CACNA2D1: variants seen among roughly 807,000 people sequenced by gnomAD.
CACNA2D1 encodes calcium voltage-gated channel auxiliary subunit alpha2delta 1.
Under a neutral mutation model 171.5 loss-of-function variants are expected in CACNA2D1, and 53 were observed. The ratio of observed to expected loss-of-function variants is 0.31; its 90% CI spans 0.25 to 0.39. The LOEUF is 0.39. Ranked by LOEUF, CACNA2D1 falls within the 10% of genes least tolerant of loss-of-function variation. CACNA2D1 has a pLI of 1.00. For missense variants in CACNA2D1, 903 were observed against 1,299.8 expected, an observed-to-expected ratio of 0.69 and a Z score of 4.69; for synonymous variants, 442 against 443.1, an observed-to-expected ratio of 1.00 and a Z score of 0.03.
At chr7:82,415,417 C>G (rs1430063568) in intron 1 of CACNA2D1, among the ~76,000 whole-genome samples, 1 of 151,916 alleles carries the variant, frequency 6.6e-6, no homozygotes, top group Non-Finnish European at 1.5e-5. Flanking sequence ...GCCTGTGGTC[C>G]CTGCTACTTG....
At chr7:82,402,705 C>CAAAAAAAAAAAAAAAAA (rs59290672) in intron 1 of CACNA2D1, among the ~76,000 whole-genome samples, 3 of 64,824 alleles carry the variant, frequency 4.6e-5, no homozygotes, top group Non-Finnish European at 8.3e-5. Context: ...GACTCTGTCT[C>CAAAAAAAAAAAAAAAAA]AAAAAAAAAA....
chr7:82,155,748 T>C (rs1794317447), intron 4 of CACNA2D1, among the ~76,000 whole-genome samples: 1 of 152,046 alleles, frequency 6.6e-6, no homozygotes, highest in East Asian at 1.9e-4. Context: ...TTTTAAAAAA[T>C]GACAAAGAGT....
At chr7:82,346,441 C>T (rs146396969) in intron 2 of CACNA2D1, among the ~76,000 whole-genome samples, 26 of 152,164 alleles carry the variant, frequency 1.7e-4, no homozygotes, top group African/African-American at 5.8e-4. Context: ...TGGCAATTGG[C>T]AGAACCAAGG....
intron 1 of CACNA2D1, among the ~76,000 whole-genome samples, chr7:82,384,300 G>C (rs1478258885): frequency 2.6e-5 from 4 of 152,300 alleles, no homozygotes; most frequent in South Asian, 4.1e-4. Flanking sequence ...GGTTAGATGA[G>C]ATCATGAGTA....
At chr7:82,263,126 A>G in intron 3 of CACNA2D1, among the ~76,000 whole-genome samples, 1 of 78,606 alleles carries the variant, frequency 1.3e-5, no homozygotes. Context: ...TTTTTTTGAG[A>G]CAGAGTCTGG....
intron 17 of CACNA2D1, 115 bp from the exon 18 acceptor site, chr7:82,005,612 C>T (rs1196947266): frequency 5.8e-6 from 5 of 865,536 alleles, no homozygotes; most frequent in East Asian, 5.3e-5. Flanking sequence ...TGAAAGATAA[C>T]ATGGAATCAT....
intron 3 of CACNA2D1, among the ~76,000 whole-genome samples, chr7:82,291,442 A>T (rs1811562757): frequency 7.4e-6 from 1 of 135,594 alleles, no homozygotes; most frequent in African/African-American, 2.7e-5. Context: ...TAAAATATAT[A>T]TTTTTATTAT....
At chr7:82,363,735 T>G (rs910841802) in intron 1 of CACNA2D1, among the ~76,000 whole-genome samples, 1 of 152,142 alleles carries the variant, frequency 6.6e-6, no homozygotes, top group Non-Finnish European at 1.5e-5. Flanking sequence ...ATGTTTTGGA[T>G]AAATACTTTC....
Position 81,962,037 on chromosome 7 carries a change from G to C in CACNA2D1, c.2837-14C>G, listed in dbSNP as rs774076778. On this transcript the variant is annotated splice_polypyrimidine_tract_variant and intron_variant, in intron 35 of 38. Coordinates refer to ENST00000356860, the MANE Select transcript of CACNA2D1 (RefSeq NM_000722.4). ...CCTCCATCTCAACTTGGGTGGCGGGGGACGGTGTAAAAACAAAGAACACCA... is the reference window on the plus strand; with the variant it reads ...CCTCCATCTCAACTTGGGTGGCGGGCGACGGTGTAAAAACAAAGAACACCA... 2.4e-5 allele frequency: 39 copies of C among 1,611,790 alleles called. 1 individual carries two copies. Among genetic ancestry groups the C allele is most frequent in the Non-Finnish European group, 3.1e-5 (37 of 1,178,772 alleles).
In CACNA2D1 at chr7:82,205,922, T is replaced by C. The variant is rs144922167; in HGVS notation, c.295-35313A>G. ...CTAATCCTTTTCATTTTGATAGATATATAACTTAAAAATTTTTTTGTTAAA... is the reference window on the plus strand; with the variant it reads ...CTAATCCTTTTCATTTTGATAGATACATAACTTAAAAATTTTTTTGTTAAA... On this transcript the variant is annotated intron_variant, in intron 3 of 38. Transcript: ENST00000356860. 3.2e-3 allele frequency among the ~76,000 whole-genome samples: 492 copies of C among 152,254 alleles called. 6 individuals are homozygous for C. Among genetic ancestry groups the C allele is most frequent in the South Asian group, 0.011 (53 of 4,830 alleles).
chr7:82,275,717 G>A lies in CACNA2D1; in HGVS notation c.294+59418C>T, dbSNP rs116196263. ...GCACAGGAAGGCAAAGAGTAGCAGCGCTCAGATATCAAAACATTTATCTTA... is the reference window on the plus strand; with the variant it reads ...GCACAGGAAGGCAAAGAGTAGCAGCACTCAGATATCAAAACATTTATCTTA... On this transcript the variant is annotated intron_variant, in intron 3 of 38. Transcript: ENST00000356860. Among the ~76,000 whole-genome samples the A allele has an allele frequency of 1.4e-3, 213 of 152,184 alleles. 4 individuals carry two copies. The highest frequency in any genetic ancestry group is 4.9e-3 in the African/African-American group (202 of 41,544).
intron 3 of CACNA2D1, among the ~76,000 whole-genome samples, chr7:82,238,355 C>T (rs1434702528): frequency 6.6e-6 from 1 of 151,854 alleles, no homozygotes; most frequent in African/African-American, 2.4e-5. Context: ...AGTAGACATT[C>T]GCAAACACAT....
intron 3 of CACNA2D1, among the ~76,000 whole-genome samples, chr7:82,263,287 T>A (rs1807378519): frequency 6.6e-6 from 1 of 151,748 alleles, no homozygotes; most frequent in South Asian, 2.1e-4. Flanking sequence ...TTTTTTGTAT[T>A]TTTAGTAGAG....
At chr7:82,123,283 A>C (rs73155514) in intron 5 of CACNA2D1, among the ~76,000 whole-genome samples, 2,930 of 152,242 alleles carry the variant, frequency 0.019, 39 homozygotes, top group Non-Finnish European at 0.031. Flanking sequence ...TGCACACATT[A>C]ATTTTAAGAT....
chr7:82,007,402 T>C (rs1799235943), intron 16 of CACNA2D1, among the ~76,000 whole-genome samples: 1 of 152,136 alleles, frequency 6.6e-6, no homozygotes, highest in Non-Finnish European at 1.5e-5. Context: ...TTACTGTCCA[T>C]TTATCATATA....
At chr7:82,210,178 A>T (rs1800417237) in intron 3 of CACNA2D1, among the ~76,000 whole-genome samples, 1 of 152,142 alleles carries the variant, frequency 6.6e-6, no homozygotes, top group Non-Finnish European at 1.5e-5. Flanking sequence ...AATTAATAAT[A>T]AGTTCATTGT....
chr7:81,964,098 G>C lies in CACNA2D1; in HGVS notation c.2738C>G (p.Ala913Gly). Residue 913 changes from alanine (A) to glycine (G), a missense_variant, in exon 34 of 39, where the codon GCA (alanine) becomes GGA (glycine). Around this residue, in one of 5 missense-constraint regions of CACNA2D1, gnomAD observed 623 missense variants for 925.5 expected, o/e 0.67. Coordinates refer to ENST00000356860, the MANE Select transcript of CACNA2D1 (RefSeq NM_000722.4). ...GHRSAYVPSVADILQIGWWAT... is the reference protein window; with the variant it reads ...GHRSAYVPSVGDILQIGWWAT... The stretch of plus-strand genomic sequence containing the variant: ...CCACCAGCCAATTTGTAATATGTCT[G>C]CTACTGATGGCTATAAAATAAAATA... The C allele has an allele frequency of 6.2e-7, 1 of 1,612,006 alleles. No homozygotes were observed. The highest frequency in any genetic ancestry group is 1.1e-5 in the South Asian group (1 of 91,050).
intron 3 of CACNA2D1, 52 bp downstream of exon 3, chr7:82,335,080 AAAT>A: frequency 8.8e-7 from 1 of 1,136,280 alleles, no homozygotes; most frequent in Non-Finnish European, 1.3e-6. Flanking sequence ...CATGAAAATT[AAAT>A]AATAGATAAG....
intron 3 of CACNA2D1, among the ~76,000 whole-genome samples, chr7:82,243,520 T>C (rs558139295): frequency 7.2e-5 from 11 of 152,328 alleles, no homozygotes; most frequent in Admixed American, 5.2e-4. Context: ...TATTAATCAA[T>C]TTGTTATAAA....
Sources: allele counts gnomAD v4.1 joint callset (sites outside exome capture counted in the v4.1 genomes callset), GRCh38; gene constraint gnomAD v4.1.1; regional missense constraint gnomAD v4.1.1; transcripts MANE v1.5; gene names NCBI Gene and HGNC (gene_info 2026-07-23, HGNC 2026-07-21).